Variants in OPHN1 observed in about 807,000 individuals in gnomAD.
OPHN1 encodes the protein oligophrenin-1.
Under a neutral mutation model 60.7 loss-of-function variants are expected in OPHN1, and 11 were observed. That is an observed-to-expected ratio of 0.18 (90% confidence interval 0.11 to 0.30). OPHN1 has a LOEUF of 0.30. Among genes scored for constraint, OPHN1 ranks in the 10% least tolerant of loss-of-function variants. The pLI is 1.00. For missense variants in OPHN1, 449 were observed against 611.0 expected, an observed-to-expected ratio of 0.73 and a Z score of 2.80; for synonymous variants, 226 against 222.6, an observed-to-expected ratio of 1.02 and a Z score of -0.14.
rs753781093 is a variant in OPHN1 at position 68,365,941 on chromosome X, ACT to A, written c.155-66847_155-66846del. 3.6e-3 allele frequency among the ~76,000 whole-genome samples: 384 copies of A among 106,535 alleles called. 1 individual carries two copies. The highest frequency in any genetic ancestry group is 6.6e-3 in the Non-Finnish European group (343 of 51,828). The allele number at this position is 106,535 out of a possible 115,157, so 92.5% of individuals were successfully genotyped here. On this transcript the variant is annotated intron_variant, in intron 2 of 24. Transcript: ENST00000355520. The stretch of plus-strand genomic sequence containing the variant: ...TCCCACACTCATGCTCTCAGAAAAG[ACT>A]CAACTTACCCAGCTAGACTTCAGCA...
intron 20 of OPHN1, among the ~76,000 whole-genome samples, chrX:68,064,744 A>C (rs1446189480): frequency 8.9e-6 from 1 of 111,906 alleles, no homozygotes; most frequent in Non-Finnish European, 1.9e-5. Context: ...GACCCTAATG[A>C]GACCTAGGGA....
At position 68,316,950 on chromosome X, in the gene OPHN1, T is replaced by C. The variant is rs377655117; in HGVS notation, c.155-17854A>G. On this transcript the variant is annotated intron_variant, in intron 2 of 24. Transcript: ENST00000355520. ...CATAAAACCAACCTCAAAAAAAGTT[T>C]TTTTATTTTCAATTCCACAGGGAAT... is the stretch of plus-strand genomic sequence containing the variant. Among the ~76,000 whole-genome samples, 8 of 111,444 alleles carry C rather than the reference T, an allele frequency of 7.2e-5. No homozygotes were observed. The South Asian group carries it at 1.5e-3, about 21-fold the overall frequency.
chrX:68,427,827 T>TA (rs370445077), intron 2 of OPHN1, among the ~76,000 whole-genome samples: 326 of 98,376 alleles, frequency 3.3e-3, no homozygotes, highest in African/African-American at 9.3e-3. Context: ...CTAGCACAAT[T>TA]AAAAAAAAAA....
At chrX:68,328,426 C>T (rs960638730) in intron 2 of OPHN1, among the ~76,000 whole-genome samples, 1 of 112,882 alleles carries the variant, frequency 8.9e-6, no homozygotes, top group African/African-American at 3.2e-5. Context: ...CCGCGCCCAG[C>T]CAAAACTTTT....
chrX:68,090,298 A>G (rs1439395474), intron 19 of OPHN1, among the ~76,000 whole-genome samples: 1 of 109,536 alleles, frequency 9.1e-6, no homozygotes, highest in Non-Finnish European at 1.9e-5. Flanking sequence ...ATAGAGATAC[A>G]TTCTAAAATA....
intron 21 of OPHN1, among the ~76,000 whole-genome samples, chrX:68,060,369 C>A (rs759684628): frequency 5.4e-5 from 6 of 111,204 alleles, no homozygotes; most frequent in Non-Finnish European, 7.5e-5. Context: ...TAACTCTGAG[C>A]AAGTTGTTTT....
intron 15 of OPHN1, among the ~76,000 whole-genome samples, chrX:68,157,335 C>T (rs1217230016): frequency 9.0e-6 from 1 of 111,438 alleles, no homozygotes; most frequent in Non-Finnish European, 1.9e-5. Context: ...AAAAGTATAC[C>T]ATCCAATAGT....
intron 2 of OPHN1, among the ~76,000 whole-genome samples, chrX:68,426,111 C>T (rs983434958): frequency 1.7e-4 from 19 of 110,811 alleles, no homozygotes; most frequent in African/African-American, 4.2e-4. Flanking sequence ...GGATTACAGG[C>T]GTGAGTCACC....
At chrX:68,406,864 A>C (rs2078746128) in intron 2 of OPHN1, among the ~76,000 whole-genome samples, 1 of 112,403 alleles carries the variant, frequency 8.9e-6, no homozygotes, top group Non-Finnish European at 1.9e-5. Context: ...TATTTTTGTA[A>C]CTTCCCTGTA....
intron 2 of OPHN1, among the ~76,000 whole-genome samples, chrX:68,398,960 AGTGTGTGTGTGTGTGTGT>A (rs113103699): frequency 2.1e-5 from 2 of 95,221 alleles, no homozygotes; most frequent in South Asian, 5.4e-4. Flanking sequence ...AAACAAAAAA[AGTGTGTGTGTGTGTGTGT>A]GTGTGTGTGT....
At position 68,320,350 on chromosome X, in the gene OPHN1, A is replaced by G. The variant is rs191367141; in HGVS notation, c.155-21254T>C. On this transcript the variant is annotated intron_variant, in intron 2 of 24. Transcript: ENST00000355520. ...GGCGACAGAGTAAGCCTCCGTCTCAAAAAAATATATATAAATACAAAGAGA... is the reference window on the plus strand; with the variant it reads ...GGCGACAGAGTAAGCCTCCGTCTCAGAAAAATATATATAAATACAAAGAGA... Among the ~76,000 whole-genome samples, 886 of 111,257 alleles carry G rather than the reference A, an allele frequency of 8.0e-3. 12 individuals carry two copies. Among genetic ancestry groups the G allele is most frequent in the African/African-American group, 0.028 (847 of 30,621 alleles).
At chrX:68,232,437 C>A (rs1185353335) in intron 6 of OPHN1, among the ~76,000 whole-genome samples, 1 of 111,457 alleles carries the variant, frequency 9.0e-6, no homozygotes, top group Non-Finnish European at 1.9e-5. Flanking sequence ...ACATTTAATT[C>A]TTCCTTCAAC....
At chrX:68,152,145 C>A (rs1383148894) in intron 15 of OPHN1, among the ~76,000 whole-genome samples, 1 of 111,298 alleles carries the variant, frequency 9.0e-6, no homozygotes, top group African/African-American at 3.3e-5. Flanking sequence ...GGCCCCACCT[C>A]CAACATTGTA....
intron 15 of OPHN1, among the ~76,000 whole-genome samples, chrX:68,140,325 ATAATGC>A (rs1266739842): frequency 8.9e-6 from 1 of 112,283 alleles, no homozygotes; most frequent in Non-Finnish European, 1.9e-5. Flanking sequence ...GGGCCATTTT[ATAATGC>A]TAATGGTTAA....
At chrX:68,205,979 A>AGAGTGT (rs1465775827) in intron 10 of OPHN1, among the ~76,000 whole-genome samples, 1 of 91,221 alleles carries the variant, frequency 1.1e-5, no homozygotes, top group African/African-American at 4.5e-5. Flanking sequence ...AGTGTGTGTG[A>AGAGTGT]GTGTGTGTGT....
chrX:68,175,944 CAA>C (rs1383359547), intron 15 of OPHN1, among the ~76,000 whole-genome samples: 1 of 111,778 alleles, frequency 8.9e-6, no homozygotes, highest in African/African-American at 3.2e-5. Context: ...TAATTTTCAA[CAA>C]AGATACCAAG....
chrX:68,131,189 CTTTTA>C (rs1386298266), intron 15 of OPHN1, among the ~76,000 whole-genome samples: 16 of 93,075 alleles, frequency 1.7e-4, no homozygotes, highest in African/African-American at 5.0e-4. Flanking sequence ...ACAAAGAACA[CTTTTA>C]TTTATTTATT....
chrX:68,055,772 C>T (rs1485378717), intron 21 of OPHN1, among the ~76,000 whole-genome samples: 1 of 111,958 alleles, frequency 8.9e-6, no homozygotes, highest in Non-Finnish European at 1.9e-5. Context: ...ACTATGCAGC[C>T]ATAAAAAAGG....
At chrX:68,120,900 T>C (rs2147444942) in intron 15 of OPHN1, among the ~76,000 whole-genome samples, 1 of 112,182 alleles carries the variant, frequency 8.9e-6, no homozygotes, top group African/African-American at 3.2e-5. Flanking sequence ...AGGGAAAGGA[T>C]ACTCTATTCA....
Sources: gnomAD v4.1 joint callset for allele counts (sites outside exome capture counted in the v4.1 genomes callset) on GRCh38, gnomAD v4.1.1 for gene constraint, MANE v1.5 for transcripts, NCBI Gene and HGNC (gene_info 2026-07-23, HGNC 2026-07-21) for gene names.